Variants in TBL1Y observed in about 807,000 individuals in gnomAD.
TBL1Y encodes the protein transducin beta like 1 Y-linked.
Under a neutral mutation model 12.0 loss-of-function variants are expected in TBL1Y, and 15 were observed. The observed-to-expected ratio is 1.25, with a 90% CI of 0.83 to 1.92. The LOEUF is 1.92. TBL1Y is among the 40% of genes most tolerant of loss of function. TBL1Y has a pLI of 0.00. For missense variants in TBL1Y, 148 were observed against 116.7 expected, an observed-to-expected ratio of 1.27 and a Z score of -1.24; for synonymous variants, 53 against 42.6, an observed-to-expected ratio of 1.24 and a Z score of -0.95.
chrY:6,991,155 A>T (rs2012361282), intron 3 of TBL1Y, among the ~76,000 whole-genome samples: 1 of 33,679 alleles, frequency 3.0e-5, no homozygotes, highest in Non-Finnish European at 7.3e-5. Context: ...AAAAGAAATA[A>T]TGCATGAAAT....
At chrY:6,997,074 C>T (rs2012415465) in intron 4 of TBL1Y, among the ~76,000 whole-genome samples, 1 of 33,721 alleles carries the variant, frequency 3.0e-5, no homozygotes, top group Admixed American at 2.7e-4. Flanking sequence ...TAAAGCTACT[C>T]TTCTGTGCTC....
At chrY:6,980,006 T>A (rs768686797) in intron 3 of TBL1Y, among the ~76,000 whole-genome samples, 1 of 33,471 alleles carries the variant, frequency 3.0e-5, no homozygotes, top group East Asian at 8.0e-4. Context: ...ATGAGAACTC[T>A]GTCACAAGAT....
At chrY:6,988,189 T>G in intron 3 of TBL1Y, among the ~76,000 whole-genome samples, 1 of 33,927 alleles carries the variant, frequency 2.9e-5, no homozygotes, top group Non-Finnish European at 7.3e-5. Context: ...AAAGCCAATT[T>G]GCATGTTTTT....
At chrY:6,939,712 G>A in intron 2 of TBL1Y, among the ~76,000 whole-genome samples, 1 of 18,721 alleles carries the variant, frequency 5.3e-5, no homozygotes, top group Non-Finnish European at 1.1e-4. Context: ...AGGCCTTGTT[G>A]CCCAGGTTGG....
At chrY:6,955,359 C>T in intron 2 of TBL1Y, among the ~76,000 whole-genome samples, 1 of 33,813 alleles carries the variant, frequency 3.0e-5, no homozygotes, top group Non-Finnish European at 7.3e-5. Flanking sequence ...AACATTCAAA[C>T]CTTTACAAAC....
intron 6 of TBL1Y, among the ~76,000 whole-genome samples, chrY:7,038,173 G>C (rs907099037): frequency 3.0e-5 from 1 of 33,027 alleles, no homozygotes; most frequent in East Asian, 8.0e-4. Flanking sequence ...ATTTTGTAAA[G>C]ACCATTTCTT....
chrY:6,949,516 A>G (rs2012009602), intron 2 of TBL1Y, among the ~76,000 whole-genome samples: 1 of 33,637 alleles, frequency 3.0e-5, no homozygotes, highest in African/African-American at 1.2e-4. Flanking sequence ...ATCAAAATGT[A>G]TATGCATAAT....
At chrY:6,973,890 C>T in intron 2 of TBL1Y, among the ~76,000 whole-genome samples, 1 of 33,484 alleles carries the variant, frequency 3.0e-5, no homozygotes, top group Non-Finnish European at 7.3e-5. Context: ...GATACTTCCA[C>T]CTAACATCCT....
chrY:6,961,054 C>T (rs2012121310), intron 2 of TBL1Y, among the ~76,000 whole-genome samples: 1 of 32,918 alleles, frequency 3.0e-5, no homozygotes, highest in African/African-American at 1.2e-4. Context: ...GGCAGGGCCA[C>T]GGTCATCTGT....
intron 7 of TBL1Y, among the ~76,000 whole-genome samples, chrY:7,055,671 C>T: frequency 3.0e-5 from 1 of 33,000 alleles, no homozygotes; most frequent in Non-Finnish European, 7.4e-5. Context: ...GTGTTTTTAC[C>T]GTCTTAGACA....
intron 2 of TBL1Y, among the ~76,000 whole-genome samples, chrY:6,962,694 T>G: frequency 3.0e-5 from 1 of 33,774 alleles, no homozygotes; most frequent in Non-Finnish European, 7.3e-5. Context: ...TAATTTTAGG[T>G]AAAATCCAAG....
chrY:6,968,975 A>G (rs966292528), intron 2 of TBL1Y, among the ~76,000 whole-genome samples: 3 of 32,458 alleles, frequency 9.2e-5, no homozygotes, highest in Admixed American at 8.7e-4. Context: ...AACACAGACC[A>G]TATTGCAGAC....
intron 8 of TBL1Y, among the ~76,000 whole-genome samples, chrY:7,064,421 G>T (rs771994507): frequency 1.2e-4 from 4 of 33,099 alleles, no homozygotes; most frequent in African/African-American, 4.7e-4. Context: ...CATGGTTATG[G>T]CCCATCATAA....
At chrY:7,067,541 G>C in intron 8 of TBL1Y, among the ~76,000 whole-genome samples, 2 of 33,413 alleles carry the variant, frequency 6.0e-5, no homozygotes, top group Admixed American at 5.4e-4. Context: ...TGAAGGCAGG[G>C]GACATTTGGA....
At chrY:6,912,622 G>A (rs2011703734) in intron 2 of TBL1Y, among the ~76,000 whole-genome samples, 2 of 32,726 alleles carry the variant, frequency 6.1e-5, no homozygotes, top group Admixed American at 5.6e-4. Context: ...CCTGCAGTCA[G>A]GAGTTCAAGA....
intron 4 of TBL1Y, among the ~76,000 whole-genome samples, chrY:7,002,194 G>GT (rs2012457340): frequency 2.9e-5 from 1 of 34,438 alleles, no homozygotes. Flanking sequence ...AGAGGCCCAT[G>GT]CCCTCATGGA....
chrY:7,063,990 G>A lies in TBL1Y; in HGVS notation c.298G>A (p.Gly100Arg). The A allele has an allele frequency of 2.5e-6, 1 of 398,567 alleles. No individual in the cohort carries two copies. Among genetic ancestry groups the A allele is most frequent in the Non-Finnish European group, 3.5e-6 (1 of 283,556 alleles). Residue 100 changes from glycine to arginine, a missense_variant, in exon 8 of 19, where the codon GGA becomes AGA. Transcript: ENST00000383032. ...GGTGCAGATGCGGCAGCAGGCATTT[G>A]GAGAGAAGCTCACTCAGCAGCAAGC... ...DVVQMRQQAF[G>R]EKLTQQQASA...
At chrY:6,927,084 C>G (rs2011831438) in intron 2 of TBL1Y, among the ~76,000 whole-genome samples, 1 of 31,425 alleles carries the variant, frequency 3.2e-5, no homozygotes, top group South Asian at 7.8e-4. Context: ...GGTGTGCCAC[C>G]ACGCCCAGCT....
intron 4 of TBL1Y, among the ~76,000 whole-genome samples, chrY:7,000,803 T>C (rs747231825): frequency 3.0e-5 from 1 of 33,792 alleles, no homozygotes; most frequent in African/African-American, 1.2e-4. Context: ...TTTCACCATG[T>C]TGGCCAGGCT....
Sources: gnomAD v4.1 joint callset for allele counts (sites outside exome capture counted in the v4.1 genomes callset) on GRCh38, gnomAD v4.1.1 for gene constraint, MANE v1.5 for transcripts, NCBI Gene and HGNC (gene_info 2026-07-23, HGNC 2026-07-21) for gene names.